Variants in JAZF1 observed in about 807,000 individuals in gnomAD.
JAZF1 encodes the protein JAZF zinc finger 1.
In JAZF1, 8 loss-of-function variants were observed where a neutral mutation model predicts 26.4. The observed-to-expected ratio is 0.30, with a 90% confidence interval of 0.18 to 0.55. The LOEUF (loss-of-function observed/expected upper bound fraction) is 0.55. Ranked by LOEUF, JAZF1 falls within the 20% of genes least tolerant of loss-of-function variation. The pLI is 0.94. For synonymous variants in JAZF1, 126 were observed against 122.3 expected (o/e 1.03, Z -0.20); for missense variants, 199 against 322.0 (o/e 0.62, Z 2.92).
intron 3 of JAZF1, among the ~76,000 whole-genome samples, chr7:27,888,045 C>A (rs1317058324): frequency 6.6e-6 from 1 of 152,112 alleles, no homozygotes; most frequent in Non-Finnish European, 1.5e-5. Context: ...CTTTCAGTGA[C>A]CTACAGAACA....
intron 1 of JAZF1, among the ~76,000 whole-genome samples, chr7:28,023,983 G>A (rs1027229867): frequency 4.6e-5 from 7 of 151,954 alleles, no homozygotes; most frequent in East Asian, 3.9e-4. Flanking sequence ...AGTCAGGAGC[G>A]GCAGTAAAAG....
chr7:27,849,430 C>T (rs1783091653), intron 3 of JAZF1, among the ~76,000 whole-genome samples: 1 of 152,148 alleles, frequency 6.6e-6, no homozygotes, highest in African/African-American at 2.4e-5. Context: ...AGAGTTTCTG[C>T]AAGAAAACGT....
intron 3 of JAZF1, among the ~76,000 whole-genome samples, chr7:27,888,164 C>T (rs1783902531): frequency 6.6e-6 from 1 of 152,148 alleles, no homozygotes; most frequent in South Asian, 2.1e-4. Flanking sequence ...GGGAACGTTG[C>T]TTAGGTATCA....
intron 1 of JAZF1, among the ~76,000 whole-genome samples, chr7:28,145,648 T>C (rs1428510354): frequency 6.6e-6 from 1 of 151,992 alleles, no homozygotes. Flanking sequence ...AAAATCAGAG[T>C]CATCCATTTT....
chr7:28,163,844 G>A (rs112387483), intron 1 of JAZF1, among the ~76,000 whole-genome samples: 67 of 152,224 alleles, frequency 4.4e-4, no homozygotes, highest in African/African-American at 1.6e-3. Flanking sequence ...AAATCCTTTT[G>A]GACTCTTCCT....
chr7:27,971,027 C>T (rs1236975141), intron 2 of JAZF1, among the ~76,000 whole-genome samples: 2 of 152,118 alleles, frequency 1.3e-5, no homozygotes, highest in Admixed American at 1.3e-4. Flanking sequence ...GCCTAGTGCC[C>T]CACACATAGT....
intron 1 of JAZF1, among the ~76,000 whole-genome samples, chr7:28,142,761 G>C (rs761137130): frequency 1.6e-4 from 24 of 152,248 alleles, no homozygotes; most frequent in Non-Finnish European, 2.5e-4. Flanking sequence ...ACTACTTCTG[G>C]GTAGGACAAC....
chr7:27,886,218 A>T (rs1161758757), intron 3 of JAZF1, among the ~76,000 whole-genome samples: 2 of 152,226 alleles, frequency 1.3e-5, no homozygotes, highest in African/African-American at 4.8e-5. Flanking sequence ...TACACAGATG[A>T]GGAAACTGAG....
intron 2 of JAZF1, among the ~76,000 whole-genome samples, chr7:27,931,820 G>A (rs1312463167): frequency 1.3e-5 from 2 of 152,066 alleles, no homozygotes; most frequent in African/African-American, 4.8e-5. Flanking sequence ...CTTGAACCTG[G>A]GAGAACTGCT....
rs567253342 is a variant in JAZF1, at chr7:28,043,799, C to T, written c.116-51818G>A. Reference sequence around the variant, plus strand: ...TTCTTACAGTGGTATATTATTCAGCCATAAAAAAAAAAGATGTACTGATGC... The same window carrying T: ...TTCTTACAGTGGTATATTATTCAGCTATAAAAAAAAAAGATGTACTGATGC... On this transcript the variant is annotated intron_variant, in intron 1 of 4. Coordinates refer to ENST00000283928, the MANE Select transcript of JAZF1 (RefSeq NM_175061.4). 3.2e-4 allele frequency among the ~76,000 whole-genome samples: 48 copies of T among 150,932 alleles called. No individual in the cohort carries two copies. In the South Asian group the frequency reaches 9.8e-3, roughly 31 times the overall value.
chr7:27,914,563 T>A (rs1392935874), intron 2 of JAZF1, among the ~76,000 whole-genome samples: 2 of 152,176 alleles, frequency 1.3e-5, no homozygotes, highest in African/African-American at 4.8e-5. Context: ...TCTCATGCCT[T>A]CAGCAGGACT....
chr7:28,090,732 T>C (rs970505586), intron 1 of JAZF1, among the ~76,000 whole-genome samples: 2 of 152,028 alleles, frequency 1.3e-5, no homozygotes, highest in African/African-American at 4.8e-5. Flanking sequence ...ACCCGACTTT[T>C]AACCACACCT....
At chr7:27,889,826 G>A (rs1403366822) in intron 3 of JAZF1, among the ~76,000 whole-genome samples, 1 of 152,062 alleles carries the variant, frequency 6.6e-6, no homozygotes, top group Non-Finnish European at 1.5e-5. Context: ...CCAGCTACTT[G>A]GGAGGCAGAG....
intron 1 of JAZF1, among the ~76,000 whole-genome samples, chr7:28,167,003 G>T (rs1015622604): frequency 2.0e-5 from 3 of 152,148 alleles, no homozygotes; most frequent in Non-Finnish European, 2.9e-5. Context: ...GTGGCATAGG[G>T]AGCATCACCA....
intron 1 of JAZF1, among the ~76,000 whole-genome samples, chr7:28,144,391 G>T (rs1215739410): frequency 2.0e-5 from 3 of 152,250 alleles, no homozygotes; most frequent in South Asian, 4.1e-4. Context: ...GTCTGGAATT[G>T]TAAGTTCTCA....
Position 28,134,407 on chromosome 7 carries a change from C to A in JAZF1, c.115+46056G>T, listed in dbSNP as rs181449556. On this transcript the variant is annotated intron_variant, in intron 1 of 4. Transcript: ENST00000283928. ...CCTCCATCTCCAGGGCTCAAGTGATCCTCCCAACTCAGCCTCCCGAGTAGC... is the reference window on the plus strand; with the variant it reads ...CCTCCATCTCCAGGGCTCAAGTGATACTCCCAACTCAGCCTCCCGAGTAGC... Among the ~76,000 whole-genome samples, 85 of 151,974 alleles carry A rather than the reference C, an allele frequency of 5.6e-4. No homozygotes were observed. The East Asian group carries it at 0.012, about 22-fold the overall frequency.
intron 1 of JAZF1, among the ~76,000 whole-genome samples, chr7:28,048,358 T>C (rs774304101): frequency 6.6e-6 from 1 of 152,238 alleles, no homozygotes; most frequent in African/African-American, 2.4e-5. Context: ...TTGTTTTGTA[T>C]AATTTCTGGA....
intron 2 of JAZF1, among the ~76,000 whole-genome samples, chr7:27,980,646 G>A (rs573605026): frequency 1.3e-5 from 2 of 152,102 alleles, no homozygotes; most frequent in South Asian, 4.1e-4. Flanking sequence ...CAGAAAAGTC[G>A]TCATTCTTTT....
At chr7:27,867,470 T>C (rs774488382) in intron 3 of JAZF1, among the ~76,000 whole-genome samples, 51 of 152,244 alleles carry the variant, frequency 3.3e-4, no homozygotes, top group Non-Finnish European at 6.2e-4. Flanking sequence ...CTGTGCCGCA[T>C]GAAAAACGAG....
Sources: allele counts gnomAD v4.1 joint callset (sites outside exome capture counted in the v4.1 genomes callset), GRCh38; gene constraint gnomAD v4.1.1; transcripts MANE v1.5; gene names NCBI Gene and HGNC (gene_info 2026-07-23, HGNC 2026-07-21).